PHACTR1: variants seen among roughly 807,000 people sequenced by gnomAD.
PHACTR1 encodes the protein phosphatase and actin regulator 1.
A neutral mutation model predicts 69.2 loss-of-function variants in PHACTR1; 16 were observed. The ratio of observed to expected loss-of-function variants is 0.23; its 90% CI spans 0.16 to 0.35. The LOEUF is 0.35. Among genes scored for constraint, PHACTR1 ranks in the 10% least tolerant of loss-of-function variants. PHACTR1 has a pLI of 1.00. For synonymous variants in PHACTR1, 312 were observed against 284.5 expected (o/e 1.10, Z -0.97); for missense variants, 510 against 734.7 (o/e 0.69, Z 3.54).
chr6:12,767,098 A>G (rs558940311), intron 4 of PHACTR1, among the ~76,000 whole-genome samples: 13 of 152,372 alleles, frequency 8.5e-5, no homozygotes, highest in Admixed American at 6.5e-4. Context: ...AGTCCATTCA[A>G]TAATACGTCA....
At chr6:12,827,970 C>T (rs187039175) in intron 4 of PHACTR1, among the ~76,000 whole-genome samples, 1 of 152,126 alleles carries the variant, frequency 6.6e-6, no homozygotes, top group East Asian at 1.9e-4. Flanking sequence ...CTTTGGTTTT[C>T]AGCAATTGTT....
chr6:12,977,285 G>T (rs550610648), intron 4 of PHACTR1, among the ~76,000 whole-genome samples: 1 of 151,958 alleles, frequency 6.6e-6, no homozygotes, highest in Non-Finnish European at 1.5e-5. Flanking sequence ...ATCCATTGAG[G>T]GTGTTGGAAT....
At position 12,731,757 on chromosome 6, in the gene PHACTR1, T is replaced by C. The variant is rs549700878; in HGVS notation, c.103+12910T>C. On this transcript the variant is annotated intron_variant, in intron 3 of 14. Coordinates refer to ENST00000332995, the MANE Select transcript of PHACTR1 (RefSeq NM_030948.6). Reference sequence around the variant, plus strand: ...GAGCCAGAATTATAATCTTGAGCTTTTGGATTCTTCCCACTGCAACTGGTG... The same window carrying C: ...GAGCCAGAATTATAATCTTGAGCTTCTGGATTCTTCCCACTGCAACTGGTG... Among the ~76,000 whole-genome samples, 3 of 152,326 alleles carry C rather than the reference T, an allele frequency of 2.0e-5. No individual in the cohort carries two copies. In the South Asian group the frequency reaches 6.2e-4, roughly 32 times the overall value.
intron 4 of PHACTR1, among the ~76,000 whole-genome samples, chr6:12,847,131 T>C (rs1031547017): frequency 3.3e-5 from 5 of 152,248 alleles, no homozygotes; most frequent in Non-Finnish European, 7.3e-5. Flanking sequence ...CTTGCTTTTT[T>C]TCTTTTGTTA....
chr6:12,883,564 A>G (rs1043945848), intron 4 of PHACTR1, among the ~76,000 whole-genome samples: 4 of 151,064 alleles, frequency 2.6e-5, no homozygotes, highest in African/African-American at 9.7e-5. Flanking sequence ...ATAAAACCAC[A>G]CAGAAGAGAA....
chr6:12,816,111 C>T (rs1049071126), intron 4 of PHACTR1, among the ~76,000 whole-genome samples: 3 of 152,192 alleles, frequency 2.0e-5, no homozygotes, highest in African/African-American at 7.2e-5. Flanking sequence ...ACCAATGCTA[C>T]CTTAAATGGC....
chr6:13,278,273 A>G lies in PHACTR1; in HGVS notation c.1453A>G (p.Asn485Asp). 4.4e-6 allele frequency: 7 copies of G among 1,593,568 alleles called. No homozygotes were observed. The highest frequency in any genetic ancestry group is 1.1e-5 in the South Asian group (1 of 87,800). Reference protein sequence around the residue: ...LEQRNILKPRNEQEEQEEKRE... With the variant: ...LEQRNILKPRDEQEEQEEKRE... ...ATCTTAAATATTTTTTTTAGCTCGG[A>G]ATGAACAAGAGGAACAGGAGGAGAA... Residue 485 changes from asparagine to aspartate, a missense_variant, in exon 12 of 15, where the codon AAT (asparagine) becomes GAT (aspartate). Around this residue, in one of 2 missense-constraint regions of PHACTR1, gnomAD observed 91 missense variants for 203.8 expected, o/e 0.45. Transcript: ENST00000332995.
At chr6:13,068,676 A>C (rs1468912992) in intron 5 of PHACTR1, among the ~76,000 whole-genome samples, 2 of 152,176 alleles carry the variant, frequency 1.3e-5, no homozygotes, top group African/African-American at 4.8e-5. Flanking sequence ...AAGTTTCTTC[A>C]CTAAAGTATT....
intron 4 of PHACTR1, among the ~76,000 whole-genome samples, chr6:12,959,176 C>CAA (rs70989814): frequency 0.068 from 3,120 of 46,184 alleles, 193 homozygotes; most frequent in Non-Finnish European, 0.082. Flanking sequence ...GACTTTATCT[C>CAA]AAAAAAAAAA....
At chr6:13,209,915 T>C (rs80254654) in intron 8 of PHACTR1, among the ~76,000 whole-genome samples, 3,581 of 152,336 alleles carry the variant, frequency 0.024, 134 homozygotes, top group African/African-American at 0.079. Flanking sequence ...TTCCCTTCAT[T>C]TAAGGACTTC....
At chr6:12,962,596 A>T (rs753863540) in intron 4 of PHACTR1, among the ~76,000 whole-genome samples, 1 of 152,194 alleles carries the variant, frequency 6.6e-6, no homozygotes, top group African/African-American at 2.4e-5. Flanking sequence ...TCTCTAGAGT[A>T]TATTAATCTC....
chr6:12,912,348 A>G (rs549127269), intron 4 of PHACTR1, among the ~76,000 whole-genome samples: 1 of 152,224 alleles, frequency 6.6e-6, no homozygotes, highest in South Asian at 2.1e-4. Flanking sequence ...CCCCCAGGGG[A>G]CCCTATTTGT....
chr6:12,788,541 T>C (rs1240010952), intron 4 of PHACTR1, among the ~76,000 whole-genome samples: 1 of 152,250 alleles, frequency 6.6e-6, no homozygotes, highest in Non-Finnish European at 1.5e-5. Context: ...TTCTGATTTT[T>C]AGATGGAAAA....
chr6:12,866,968 TC>T (rs1178834714), intron 4 of PHACTR1, among the ~76,000 whole-genome samples: 1 of 151,820 alleles, frequency 6.6e-6, no homozygotes, highest in East Asian at 1.9e-4. Context: ...CCTCTCTCCC[TC>T]CCCCCAGTTG....
intron 4 of PHACTR1, among the ~76,000 whole-genome samples, chr6:12,953,068 A>C (rs527536579): frequency 6.6e-6 from 1 of 152,316 alleles, no homozygotes; most frequent in Admixed American, 6.5e-5. Flanking sequence ...CATGCCTGTA[A>C]TCTCAGCACT....
chr6:13,054,541 C>T (rs1806487911), intron 5 of PHACTR1, among the ~76,000 whole-genome samples: 1 of 152,196 alleles, frequency 6.6e-6, no homozygotes, highest in African/African-American at 2.4e-5. Flanking sequence ...GGCCTCTTCT[C>T]TTGGCTTGTA....
At chr6:12,930,744 C>T (rs1006515567) in intron 4 of PHACTR1, among the ~76,000 whole-genome samples, 2 of 152,154 alleles carry the variant, frequency 1.3e-5, no homozygotes, top group African/African-American at 4.8e-5. Flanking sequence ...TCAGCTGAAT[C>T]TTGAGTCCAG....
At chr6:13,212,710 G>T (rs979930060) in intron 8 of PHACTR1, among the ~76,000 whole-genome samples, 1 of 150,900 alleles carries the variant, frequency 6.6e-6, no homozygotes, top group African/African-American at 2.5e-5. Flanking sequence ...CACCATTCTC[G>T]CACATTCTCG....
At chr6:12,913,503 T>C (rs929083335) in intron 4 of PHACTR1, among the ~76,000 whole-genome samples, 1 of 152,188 alleles carries the variant, frequency 6.6e-6, no homozygotes, top group African/African-American at 2.4e-5. Context: ...TCAAATCATA[T>C]AGGGGCTCCC....
Sources: allele counts gnomAD v4.1 joint callset (sites outside exome capture counted in the v4.1 genomes callset), GRCh38; gene constraint gnomAD v4.1.1; regional missense constraint gnomAD v4.1.1; transcripts MANE v1.5; gene names NCBI Gene and HGNC (gene_info 2026-07-23, HGNC 2026-07-21).